The following NBAS variants were observed in gnomAD, a reference collection of about 807,000 sequenced individuals.
NBAS encodes NBAS subunit of NRZ tethering complex.
NBAS carries 219 observed loss-of-function variants against 302.5 expected under a neutral mutation model. That is an observed-to-expected ratio of 0.72 (90% CI 0.65 to 0.81). NBAS has a LOEUF of 0.81. Among genes scored for constraint, NBAS ranks in the 30% least tolerant of loss-of-function variants. The pLI is 0.00. For synonymous variants in NBAS, 1,118 were observed against 1,021.6 expected (o/e 1.09, Z -1.80); for missense variants, 2,932 against 2,841.6 (o/e 1.03, Z -0.72).
chr2:15,299,907 G>A (rs533344833), intron 40 of NBAS, among the ~76,000 whole-genome samples: 33 of 152,308 alleles, frequency 2.2e-4, no homozygotes, highest in African/African-American at 7.7e-4. Flanking sequence ...CAACACTTGA[G>A]TTTTGGGGTC....
the NBAS span, among the ~76,000 whole-genome samples, chr2:15,015,308 C>CAAA: frequency 2.0e-5 from 3 of 151,780 alleles, no homozygotes; most frequent in Non-Finnish European, 4.4e-5. Context: ...AATACCAAAA[C>CAAA]AAAAAAAGAA....
chr2:15,533,679 C>T (rs946915938), intron 9 of NBAS, among the ~76,000 whole-genome samples: 58 of 143,994 alleles, frequency 4.0e-4, no homozygotes, highest in East Asian at 6.5e-4. Flanking sequence ...GGGGGGTGTG[C>T]GTGTGTGTGT....
intron 48 of NBAS, among the ~76,000 whole-genome samples, chr2:15,211,731 T>G (rs964865466): frequency 1.3e-5 from 2 of 152,192 alleles, no homozygotes; most frequent in African/African-American, 4.8e-5. Context: ...AACTGAGACT[T>G]GACCTGAACC....
At chr2:15,457,149 A>G (rs546823924) in intron 21 of NBAS, among the ~76,000 whole-genome samples, 1 of 152,224 alleles carries the variant, frequency 6.6e-6, no homozygotes, top group Non-Finnish European at 1.5e-5. Context: ...AGGGGGCTCT[A>G]TGCAAGCCTC....
intron 16 of NBAS, among the ~76,000 whole-genome samples, chr2:15,469,026 T>C (rs1193027344): frequency 6.6e-6 from 1 of 152,218 alleles, no homozygotes; most frequent in Non-Finnish European, 1.5e-5. Context: ...CATGATATGC[T>C]GTTTTTTGGA....
chr2:15,474,058 C>G lies in NBAS; in HGVS notation c.1599+9G>C. ...TTCAAACTTGGGTAGTAATATGCTA[C>G]TCTCTCACCTTCCTCTGATAAAGTT... On this transcript the variant is annotated intron_variant, in intron 15 of 51. Coordinates refer to ENST00000281513, the MANE Select transcript of NBAS (RefSeq NM_015909.4). The G allele has an allele frequency of 6.2e-7, 1 of 1,614,094 alleles. No individual in the cohort carries two copies. The highest frequency in any genetic ancestry group is 1.1e-5 in the South Asian group (1 of 91,084).
the NBAS span, among the ~76,000 whole-genome samples, chr2:14,970,218 T>C: frequency 3.9e-5 from 6 of 152,186 alleles, no homozygotes; most frequent in Admixed American, 6.5e-5. Flanking sequence ...AGCTTTGTCA[T>C]TGGAGAAGTT....
intron 29 of NBAS, 33 bp from the exon 30 acceptor site, chr2:15,379,864 G>C (rs760586374): frequency 1.1e-5 from 18 of 1,584,714 alleles, no homozygotes; most frequent in Non-Finnish European, 1.5e-5. Flanking sequence ...ATTAGTTATA[G>C]AGAGGGAAGA....
At chr2:14,900,112 C>CTTTTTTTTTTTT in the NBAS span, among the ~76,000 whole-genome samples, 1 of 140,636 alleles carries the variant, frequency 7.1e-6, no homozygotes. Context: ...AAGTCACATG[C>CTTTTTTTTTTTT]TTTTTTTTTT....
At chr2:14,855,203 C>G in the NBAS span, among the ~76,000 whole-genome samples, 1 of 152,006 alleles carries the variant, frequency 6.6e-6, no homozygotes. Context: ...AAGGAAAGGA[C>G]CCGGTCCTGC....
At chr2:15,327,204 C>G (rs926525643) in intron 38 of NBAS, among the ~76,000 whole-genome samples, 3 of 151,904 alleles carry the variant, frequency 2.0e-5, no homozygotes. Flanking sequence ...GAGATATTCA[C>G]TAAGGATGGC....
Position 15,420,334 on chromosome 2 carries a change from G to A in NBAS, c.2578-2622C>T, listed in dbSNP as rs144960317. ...GACATTAAGAGGTAGACTGAGGTGG[G>A]CTGTCAGCCTTACTGAGTGCGGTCT... On this transcript the variant is annotated intron_variant, in intron 23 of 51. Coordinates refer to ENST00000281513, the MANE Select transcript of NBAS (RefSeq NM_015909.4). 1.3e-4 allele frequency among the ~76,000 whole-genome samples: 20 copies of A among 152,300 alleles called. 1 individual carries two copies. In the East Asian group the frequency reaches 3.9e-3, roughly 29 times the overall value.
the NBAS span, among the ~76,000 whole-genome samples, chr2:14,922,466 T>C: frequency 6.6e-6 from 1 of 152,192 alleles, no homozygotes; most frequent in Non-Finnish European, 1.5e-5. Flanking sequence ...AGGGAGGTGG[T>C]GAGTTTGGTT....
the NBAS span, among the ~76,000 whole-genome samples, chr2:14,901,776 G>C: frequency 3.6e-4 from 55 of 152,292 alleles, no homozygotes; most frequent in Admixed American, 2.9e-3. Context: ...ATCTCTACCA[G>C]GAATCAGACT....
intron 44 of NBAS, among the ~76,000 whole-genome samples, chr2:15,247,641 G>C (rs545630548): frequency 1.3e-5 from 2 of 151,362 alleles, no homozygotes; most frequent in African/African-American, 4.9e-5. Flanking sequence ...ATGGTAAAGG[G>C]ATCAATGCAC....
chr2:15,462,350 C>T (rs1273888023), intron 19 of NBAS, among the ~76,000 whole-genome samples: 1 of 152,028 alleles, frequency 6.6e-6, no homozygotes, highest in East Asian at 1.9e-4. Flanking sequence ...CAGTAAGGTG[C>T]CACAACTAGT....
the NBAS span, among the ~76,000 whole-genome samples, chr2:14,839,797 A>T: frequency 0.01 from 1,566 of 152,188 alleles, 10 homozygotes; most frequent in Middle Eastern, 0.02. Context: ...AAGCAAACAC[A>T]CCTAGTAGAA....
chr2:15,374,498 A>G (rs1263143428), intron 31 of NBAS, 110 bp downstream of exon 31: 2 of 913,490 alleles, frequency 2.2e-6, no homozygotes, highest in Non-Finnish European at 3.6e-6. Context: ...ATCTATTGCT[A>G]ATGGATTACA....
chr2:15,301,882 T>A (rs889054870), intron 40 of NBAS, among the ~76,000 whole-genome samples: 1 of 151,880 alleles, frequency 6.6e-6, no homozygotes, highest in African/African-American at 2.4e-5. Flanking sequence ...AAGGATGAAG[T>A]TGGAAAAACA....
Sources: allele counts gnomAD v4.1 joint callset (sites outside exome capture counted in the v4.1 genomes callset), GRCh38; gene constraint gnomAD v4.1.1; transcripts MANE v1.5; gene names NCBI Gene and HGNC (gene_info 2026-07-23, HGNC 2026-07-21).